PPARGC1A: variants seen among roughly 807,000 people sequenced by gnomAD.
PPARGC1A encodes the protein peroxisome proliferator-activated receptor gamma coactivator 1-alpha.
Under a neutral mutation model 88.7 loss-of-function variants are expected in PPARGC1A, and 25 were observed. The observed-to-expected ratio is 0.28, with a 90% CI of 0.21 to 0.39. The LOEUF (loss-of-function observed/expected upper bound fraction) is 0.39. PPARGC1A is among the 10% of genes least tolerant of loss of function. PPARGC1A has a pLI of 1.00. For missense variants in PPARGC1A, 880 were observed against 968.7 expected (o/e 0.91, Z 1.22); for synonymous variants, 363 against 355.6 (o/e 1.02, Z -0.24).
the PPARGC1A span, among the ~76,000 whole-genome samples, chr4:23,976,285 T>G: frequency 6.6e-6 from 1 of 152,168 alleles, no homozygotes; most frequent in Non-Finnish European, 1.5e-5. Context: ...TCTGTAGGCT[T>G]GGGACCCTGA....
the PPARGC1A span, among the ~76,000 whole-genome samples, chr4:24,109,033 A>AC: frequency 4.5e-3 from 657 of 147,154 alleles, 4 homozygotes; most frequent in African/African-American, 0.016. Flanking sequence ...ACACACACAC[A>AC]CACCACACAC....
the PPARGC1A span, among the ~76,000 whole-genome samples, chr4:23,912,750 A>T: frequency 6.6e-6 from 1 of 151,590 alleles, no homozygotes; most frequent in African/African-American, 2.4e-5. Flanking sequence ...CTGCCCTACC[A>T]ATTGTAGCCT....
chr4:24,216,516 CAGG>C, the PPARGC1A span, among the ~76,000 whole-genome samples: 5 of 152,128 alleles, frequency 3.3e-5, no homozygotes, highest in African/African-American at 9.7e-5. Context: ...GGCTCTTCTT[CAGG>C]AGGAGATAAT....
At chr4:23,941,682 A>G in the PPARGC1A span, among the ~76,000 whole-genome samples, 3 of 152,148 alleles carry the variant, frequency 2.0e-5, no homozygotes, top group Non-Finnish European at 4.4e-5. Flanking sequence ...AGATCGTTCT[A>G]GCTCTACAGG....
the PPARGC1A span, among the ~76,000 whole-genome samples, chr4:24,401,583 T>C: frequency 6.6e-6 from 1 of 152,314 alleles, no homozygotes; most frequent in African/African-American, 2.4e-5. Context: ...CCAAGTTTGA[T>C]GCTCAGTTTT....
chr4:24,093,867 T>C, the PPARGC1A span, among the ~76,000 whole-genome samples: 1 of 152,198 alleles, frequency 6.6e-6, no homozygotes, highest in Non-Finnish European at 1.5e-5. Context: ...TTTCCATGTG[T>C]GTAAAGGGGA....
At chr4:24,261,448 A>G in the PPARGC1A span, among the ~76,000 whole-genome samples, 36 of 152,240 alleles carry the variant, frequency 2.4e-4, no homozygotes, top group Non-Finnish European at 4.6e-4. Flanking sequence ...CAAGATACCC[A>G]TCTCTGGTTA....
chr4:24,201,429 G>T, the PPARGC1A span, among the ~76,000 whole-genome samples: 1 of 152,326 alleles, frequency 6.6e-6, no homozygotes, highest in Admixed American at 6.5e-5. Flanking sequence ...TGTTGTTCAC[G>T]AGCAGAGTCA....
At chr4:24,466,591 A>C in the PPARGC1A span, among the ~76,000 whole-genome samples, 5 of 152,218 alleles carry the variant, frequency 3.3e-5, no homozygotes, top group Non-Finnish European at 4.4e-5. Context: ...TATAAAGTAT[A>C]TGGAACAACA....
At chr4:24,355,453 C>A in the PPARGC1A span, among the ~76,000 whole-genome samples, 1 of 152,106 alleles carries the variant, frequency 6.6e-6, no homozygotes, top group Non-Finnish European at 1.5e-5. Context: ...TGCAAGATGC[C>A]TCTTCAATTT....
At chr4:23,827,441 G>C (rs562517086) in intron 5 of PPARGC1A, among the ~76,000 whole-genome samples, 2 of 151,862 alleles carry the variant, frequency 1.3e-5, no homozygotes, top group African/African-American at 4.8e-5. Context: ...AAAAAAAAAA[G>C]AGGTATATGT....
chr4:24,121,173 G>C, the PPARGC1A span, among the ~76,000 whole-genome samples: 1 of 152,210 alleles, frequency 6.6e-6, no homozygotes, highest in African/African-American at 2.4e-5. Flanking sequence ...CAAGCCACTA[G>C]GGTGGCCAGA....
At chr4:23,852,175 C>G (rs1208205623) in intron 2 of PPARGC1A, among the ~76,000 whole-genome samples, 1 of 152,146 alleles carries the variant, frequency 6.6e-6, no homozygotes, top group Non-Finnish European at 1.5e-5. Context: ...TTCATTCTTT[C>G]TAGCTCAAGT....
At chr4:24,249,337 T>C in the PPARGC1A span, among the ~76,000 whole-genome samples, 15 of 152,092 alleles carry the variant, frequency 9.9e-5, no homozygotes, top group Admixed American at 6.5e-5. Flanking sequence ...AAAAACAATC[T>C]AAAACCAGAA....
the PPARGC1A span, among the ~76,000 whole-genome samples, chr4:24,449,907 G>A: frequency 1.7e-4 from 26 of 152,206 alleles, no homozygotes; most frequent in African/African-American, 5.3e-4. Flanking sequence ...TGTATTATAT[G>A]TTTTTATTCC....
chr4:24,433,603 C>A, the PPARGC1A span, among the ~76,000 whole-genome samples: 1 of 152,132 alleles, frequency 6.6e-6, no homozygotes, highest in East Asian at 1.9e-4. Flanking sequence ...ATTTGACAGC[C>A]TTTTAGATAA....
At chr4:24,415,791 G>A in the PPARGC1A span, among the ~76,000 whole-genome samples, 1 of 152,166 alleles carries the variant, frequency 6.6e-6, no homozygotes, top group Non-Finnish European at 1.5e-5. Context: ...ATAAATTTAT[G>A]TAAAATGTTT....
chr4:24,018,658 G>A, the PPARGC1A span, among the ~76,000 whole-genome samples: 1 of 152,142 alleles, frequency 6.6e-6, no homozygotes, highest in Non-Finnish European at 1.5e-5. Flanking sequence ...ATTTTCAAAT[G>A]TTCCTGATCT....
the PPARGC1A span, among the ~76,000 whole-genome samples, chr4:23,946,593 T>C: frequency 3.3e-5 from 5 of 151,892 alleles, no homozygotes; most frequent in East Asian, 9.7e-4. Context: ...ATAATATTAG[T>C]AGGAAGAACA....
Sources: gnomAD v4.1 joint callset for allele counts (sites outside exome capture counted in the v4.1 genomes callset) on GRCh38, gnomAD v4.1.1 for gene constraint, MANE v1.5 for transcripts, NCBI Gene and HGNC (gene_info 2026-07-23, HGNC 2026-07-21) for gene names.